Variants in CCDC171 observed in about 807,000 individuals in gnomAD.
The protein encoded by CCDC171 is coiled-coil domain containing 171.
CCDC171 carries 177 observed loss-of-function variants against 168.2 expected under a neutral mutation model. The ratio of observed to expected loss-of-function variants is 1.05; its 90% CI spans 0.93 to 1.19. The LOEUF (loss-of-function observed/expected upper bound fraction) is 1.19. Among genes scored for constraint, CCDC171 ranks in the 50% most tolerant of loss-of-function variants. The pLI is 0.00. For synonymous variants in CCDC171, 687 were observed against 540.8 expected (o/e 1.27, Z -3.75); for missense variants, 1,991 against 1,539.0 (o/e 1.29, Z -4.91).
intron 12 of CCDC171, among the ~76,000 whole-genome samples, chr9:15,723,479 A>T (rs1453526783): frequency 6.6e-6 from 1 of 152,214 alleles, no homozygotes; most frequent in Non-Finnish European, 1.5e-5. Flanking sequence ...TTTTAGCCAC[A>T]TGAACTTGTG....
At chr9:15,569,838 C>CAA (rs373129900) in intron 2 of CCDC171, among the ~76,000 whole-genome samples, 1,103 of 63,542 alleles carry the variant, frequency 0.017, 11 homozygotes, top group East Asian at 0.028. Context: ...AAACAAAAAA[C>CAA]AAACAAACAA....
At chr9:15,637,917 C>A (rs1293595324) in intron 7 of CCDC171, among the ~76,000 whole-genome samples, 31 of 151,998 alleles carry the variant, frequency 2.0e-4, no homozygotes, top group Non-Finnish European at 2.9e-5. Context: ...GTGAATAGTG[C>A]CGCAATAAAC....
At chr9:15,991,985 A>G (rs920758850) in intron 3 of CCDC171, among the ~76,000 whole-genome samples, 2 of 152,230 alleles carry the variant, frequency 1.3e-5, no homozygotes, top group Non-Finnish European at 2.9e-5. Context: ...TTCACATCCA[A>G]ATTCTACCAG....
At chr9:15,949,696 A>G (rs1294910619) in intron 25 of CCDC171, among the ~76,000 whole-genome samples, 2 of 152,162 alleles carry the variant, frequency 1.3e-5, no homozygotes, top group Non-Finnish European at 2.9e-5. Context: ...CAGCTTAAGG[A>G]GATTTTGGGC....
the CCDC171 span, among the ~76,000 whole-genome samples, chr9:16,104,186 TC>T: frequency 6.6e-6 from 1 of 152,106 alleles, no homozygotes; most frequent in Middle Eastern, 3.2e-3. Flanking sequence ...CTTTCAACTT[TC>T]ACCTCCCTAC....
At chr9:15,781,377 A>G (rs573747793) in intron 20 of CCDC171, among the ~76,000 whole-genome samples, 19 of 152,274 alleles carry the variant, frequency 1.2e-4, no homozygotes, top group African/African-American at 4.6e-4. Flanking sequence ...AGGAATAAAA[A>G]TAGCATAGTA....
chr9:15,603,825 C>T (rs891798114), intron 6 of CCDC171, among the ~76,000 whole-genome samples: 1 of 152,164 alleles, frequency 6.6e-6, no homozygotes, highest in Non-Finnish European at 1.5e-5. Context: ...GAGGAATTGC[C>T]ACACTGTCTT....
In CCDC171 at chr9:15,727,877, A is replaced by G; in HGVS notation, c.1701A>G (p.Leu567=). Residue 567 remains leucine (L), a synonymous_variant, in exon 15 of 26, where the codon CTA becomes CTG. Coordinates refer to ENST00000380701, the MANE Select transcript of CCDC171 (RefSeq NM_173550.4). ...TTTTTTTTTTCCTGCAGGAGAAGCT[A>G]ACCTTCCTTCACACCTTATATCAGC... ...QAFHKDAEEK[L]TFLHTLYQHL... is the part of the protein sequence containing the mutation. 6.2e-7 allele frequency: 1 copy of G among 1,603,558 alleles called. No homozygotes were observed. The highest frequency in any genetic ancestry group is 8.5e-7 in the Non-Finnish European group (1 of 1,176,342).
At chr9:15,557,910 C>T (rs2132430123) in intron 1 of CCDC171, among the ~76,000 whole-genome samples, 1 of 152,096 alleles carries the variant, frequency 6.6e-6, no homozygotes, top group Non-Finnish European at 1.5e-5. Context: ...GAGATACGTC[C>T]CATCAATACC....
intron 1 of CCDC171, among the ~76,000 whole-genome samples, chr9:15,558,218 C>T (rs1263990789): frequency 6.6e-6 from 1 of 152,050 alleles, no homozygotes; most frequent in Non-Finnish European, 1.5e-5. Context: ...TGTGTCTCTG[C>T]CAGGCTTTGG....
At chr9:15,963,287 A>T (rs953912983) in intron 25 of CCDC171, among the ~76,000 whole-genome samples, 2 of 152,206 alleles carry the variant, frequency 1.3e-5, no homozygotes, top group Non-Finnish European at 2.9e-5. Flanking sequence ...CATATGTAAC[A>T]AACCTGCACG....
chr9:16,104,349 C>T, the CCDC171 span, among the ~76,000 whole-genome samples: 242 of 151,522 alleles, frequency 1.6e-3, 3 homozygotes, highest in Middle Eastern at 6.8e-3. Context: ...AAGCTCCTGC[C>T]TTTCTCTTCC....
downstream of CCDC171, among the ~76,000 whole-genome samples, chr9:16,065,841 T>TGTGC (rs1554717495): frequency 3.3e-3 from 489 of 149,222 alleles, 5 homozygotes; most frequent in African/African-American, 0.011. Context: ...TGTGTGTGTG[T>TGTGC]GTGCTGATTA....
chr9:15,827,050 A>G lies in CCDC171; in HGVS notation c.3268-19652A>G, dbSNP rs931540530. 3.5e-4 allele frequency among the ~76,000 whole-genome samples: 54 copies of G among 152,246 alleles called. 1 individual carries two copies. The highest frequency in any genetic ancestry group is 1.8e-3 in the Admixed American group (27 of 15,278). The stretch of plus-strand genomic sequence containing the variant: ...GGTGGCTGGTTGGCTTTCCTTTAGG[A>G]TGGATGGGCTATGAGCTTGCTGTTA... On this transcript the variant is annotated intron_variant, in intron 21 of 25. Coordinates refer to ENST00000380701, the MANE Select transcript of CCDC171 (RefSeq NM_173550.4).
At chr9:15,670,716 C>G (rs1441518800) in intron 9 of CCDC171, among the ~76,000 whole-genome samples, 2 of 151,996 alleles carry the variant, frequency 1.3e-5, no homozygotes, top group Admixed American at 1.3e-4. Flanking sequence ...TTTTGTTAAC[C>G]CATCTTTTTT....
chr9:16,081,002 G>A, the CCDC171 span, among the ~76,000 whole-genome samples: 24 of 152,066 alleles, frequency 1.6e-4, no homozygotes, highest in East Asian at 1.9e-4. Context: ...TCTCTCTTGC[G>A]GAACTTAGAA....
intron 24 of CCDC171, among the ~76,000 whole-genome samples, chr9:15,883,467 T>C (rs1818986313): frequency 6.6e-6 from 1 of 152,184 alleles, no homozygotes; most frequent in Non-Finnish European, 1.5e-5. Context: ...CTCCTTCTGA[T>C]AGGTAGAAGG....
chr9:16,021,249 A>G (rs191828688), intron 4 of CCDC171, among the ~76,000 whole-genome samples: 63 of 152,198 alleles, frequency 4.1e-4, no homozygotes, highest in African/African-American at 1.5e-3. Flanking sequence ...CACCACACCC[A>G]GCTAGTTTTT....
chr9:15,584,117 T>C (rs1208434552), intron 4 of CCDC171, among the ~76,000 whole-genome samples: 1 of 152,226 alleles, frequency 6.6e-6, no homozygotes, highest in East Asian at 1.9e-4. Flanking sequence ...TCCACCCGCC[T>C]CGGCCTCCCA....
Sources: gnomAD v4.1 joint callset for allele counts (sites outside exome capture counted in the v4.1 genomes callset) on GRCh38, gnomAD v4.1.1 for gene constraint, MANE v1.5 for transcripts, NCBI Gene and HGNC (gene_info 2026-07-23, HGNC 2026-07-21) for gene names.